The following ATRN variants were observed in gnomAD, a reference collection of about 807,000 sequenced individuals.
ATRN encodes attractin-2.
ATRN carries 54 observed loss-of-function variants against 178.7 expected under a neutral mutation model. That is an observed-to-expected ratio of 0.30 (90% CI 0.24 to 0.38). The LOEUF is 0.38. Among genes scored for constraint, ATRN ranks in the 10% least tolerant of loss-of-function variants. The pLI, the probability that ATRN is intolerant of heterozygous loss-of-function variation, is 1.00. For missense variants in ATRN, 1,443 were observed against 1,815.1 expected, an observed-to-expected ratio of 0.79 and a Z score of 3.73; for synonymous variants, 636 against 663.0, an observed-to-expected ratio of 0.96 and a Z score of 0.63.
intron 2 of ATRN, among the ~76,000 whole-genome samples, chr20:3,536,498 A>G (rs2085535641): frequency 6.6e-6 from 1 of 152,236 alleles, no homozygotes; most frequent in African/African-American, 2.4e-5. Flanking sequence ...GGAGTGAGCC[A>G]CTGCACCCGG....
At chr20:3,601,065 GGT>G in intron 23 of ATRN, 41 bp downstream of exon 23, 1 of 1,533,244 alleles carries the variant, frequency 6.5e-7, no homozygotes, top group Non-Finnish European at 9.0e-7. Context: ...ATGAAGGTGT[GGT>G]AGATTAAGAA....
At chr20:3,618,747 G>A (rs941551352) in intron 24 of ATRN, among the ~76,000 whole-genome samples, 2 of 152,214 alleles carry the variant, frequency 1.3e-5, no homozygotes, top group African/African-American at 4.8e-5. Context: ...AGCATTAGGT[G>A]CGTGGTGTGT....
At chr20:3,474,214 A>G (rs2084478818) in intron 1 of ATRN, among the ~76,000 whole-genome samples, 1 of 152,106 alleles carries the variant, frequency 6.6e-6, no homozygotes, top group African/African-American at 2.4e-5. Flanking sequence ...GGTTGTCTCA[A>G]ATAGTGTCAC....
Position 3,646,767 on chromosome 20 carries a change from C to T in ATRN, c.4210C>T (p.Pro1404Ser), listed in dbSNP as rs1264903271. 6.2e-7 allele frequency: 1 copy of T among 1,606,978 alleles called. No homozygotes were observed. Among genetic ancestry groups the T allele is most frequent in the Middle Eastern group, 1.7e-4 (1 of 6,056 alleles). The change falls in exon 29 of 29, where the codon CCG becomes TCG. Residue 1404 changes from proline (P) to serine (S), a missense_variant. Physicochemically the swap from Pro to Ser is moderately conservative, Grantham distance 74 (BLOSUM62 -1). Transcript: ENST00000262919. ...CCTGGTGGACATTTCTCAGCAGATG[C>T]CGATAGTGTACAAGGAGAAGTCAGG... is the stretch of plus-strand genomic sequence containing the variant. ...SALVDISQQM[P>S]IVYKEKSGAV... is the part of the protein sequence containing the mutation.
intron 1 of ATRN, among the ~76,000 whole-genome samples, chr20:3,532,013 T>C (rs2085459557): frequency 6.6e-6 from 1 of 152,108 alleles, no homozygotes; most frequent in African/African-American, 2.4e-5. Flanking sequence ...GCCTGTAGTC[T>C]CAGCTACTCC....
chr20:3,583,187 G>A (rs1168585539), intron 16 of ATRN, among the ~76,000 whole-genome samples: 2 of 152,206 alleles, frequency 1.3e-5, no homozygotes, highest in Non-Finnish European at 2.9e-5. Flanking sequence ...CAGCCTTTCA[G>A]AATTCTGAAT....
chr20:3,615,894 G>C lies in ATRN; in HGVS notation c.3802-8617G>C, dbSNP rs764175432. On this transcript the variant is annotated intron_variant, in intron 24 of 28. Transcript: ENST00000262919. ...AACATCACACACCAGGGCCTGTTGT[G>C]GGGTGGGGGGAAGGGGAAGGGATAG... The C allele has an allele frequency of 8.9e-6, 4 of 448,298 alleles. 1 individual carries two copies. Among genetic ancestry groups the C allele is most frequent in the South Asian group, 6.3e-5 (4 of 63,988 alleles). The allele number at this position is 448,298 out of a possible 1,614,324, so 27.8% of individuals were successfully genotyped here.
At chr20:3,604,459 A>C (rs1568759285) in intron 24 of ATRN, among the ~76,000 whole-genome samples, 197 bp downstream of exon 24, 3 of 152,244 alleles carry the variant, frequency 2.0e-5, no homozygotes, top group Non-Finnish European at 4.4e-5. Context: ...TCACTCATGA[A>C]AGACATTTGC....
intron 12 of ATRN, among the ~76,000 whole-genome samples, chr20:3,574,053 A>C (rs958792709): frequency 6.6e-6 from 1 of 152,214 alleles, no homozygotes; most frequent in Non-Finnish European, 1.5e-5. Flanking sequence ...GTTCTTTAAA[A>C]GTAAGAATGT....
chr20:3,630,432 G>A (rs1439415526), intron 25 of ATRN, among the ~76,000 whole-genome samples: 1 of 152,116 alleles, frequency 6.6e-6, no homozygotes, highest in African/African-American at 2.4e-5. Context: ...ACTCTTCAGG[G>A]TAAGTGCAGA....
intron 3 of ATRN, among the ~76,000 whole-genome samples, chr20:3,545,006 T>G (rs1435247528): frequency 6.6e-6 from 1 of 152,114 alleles, no homozygotes; most frequent in Non-Finnish European, 1.5e-5. Context: ...AGAAAATGCA[T>G]CAGAATACTA....
intron 1 of ATRN, chr20:3,491,024 T>G (rs868680392): frequency 1.5e-6 from 2 of 1,300,650 alleles, no homozygotes; most frequent in Non-Finnish European, 2.2e-6. Flanking sequence ...AGCCGCAGCC[T>G]CTCTTAAAAA....
intron 25 of ATRN, chr20:3,629,079 G>C: frequency 1.0e-6 from 1 of 985,226 alleles, no homozygotes; most frequent in Non-Finnish European, 1.2e-6. Context: ...TCACTCAGCA[G>C]GCACTCCCTT....
chr20:3,555,106 A>AT (rs2085855088), intron 6 of ATRN, among the ~76,000 whole-genome samples: 1 of 142,414 alleles, frequency 7.0e-6, no homozygotes, highest in Non-Finnish European at 1.5e-5. Context: ...GGTTCACGCC[A>AT]TTCTCCTGCC....
chr20:3,595,273 C>T (rs2086512126), intron 20 of ATRN, among the ~76,000 whole-genome samples: 1 of 152,236 alleles, frequency 6.6e-6, no homozygotes, highest in Non-Finnish European at 1.5e-5. Context: ...CGGGCTGTCT[C>T]ACTGGGAAAC....
chr20:3,565,520 C>A, intron 11 of ATRN, 88 bp downstream of exon 11: 1 of 1,160,876 alleles, frequency 8.6e-7, no homozygotes, highest in Admixed American at 1.9e-5. Flanking sequence ...GTAATTCTGG[C>A]ACTTTGGGAG....
intron 1 of ATRN, among the ~76,000 whole-genome samples, chr20:3,512,102 TA>T (rs1348709892): frequency 6.1e-4 from 78 of 126,856 alleles, no homozygotes; most frequent in African/African-American, 1.2e-3. Flanking sequence ...TATATATATA[TA>T]TATATTTTTT....
intron 15 of ATRN, among the ~76,000 whole-genome samples, chr20:3,580,741 G>A (rs2086272174): frequency 6.6e-6 from 1 of 152,186 alleles, no homozygotes; most frequent in Non-Finnish European, 1.5e-5. Context: ...CAGGCTGGAT[G>A]GGAGGGGATT....
At chr20:3,524,661 G>C (rs541878271) in intron 1 of ATRN, among the ~76,000 whole-genome samples, 3 of 152,154 alleles carry the variant, frequency 2.0e-5, no homozygotes, top group African/African-American at 7.2e-5. Context: ...CCACATAATT[G>C]GAAGTAAAAC....
Sources: allele counts gnomAD v4.1 joint callset (sites outside exome capture counted in the v4.1 genomes callset), GRCh38; gene constraint gnomAD v4.1.1; transcripts MANE v1.5; gene names NCBI Gene and HGNC (gene_info 2026-07-23, HGNC 2026-07-21).